The following CUX1 variants were observed in gnomAD, a reference collection of about 807,000 sequenced individuals.
CUX1 encodes protein CASP.
CUX1 carries 31 observed loss-of-function variants against 158.8 expected under a neutral mutation model. That is an observed-to-expected ratio of 0.20 (90% CI 0.15 to 0.26). The LOEUF is 0.26. CUX1 is among the 10% of genes least tolerant of loss of function. The pLI is 1.00. For missense variants in CUX1, 1,589 were observed against 2,014.6 expected (o/e 0.79, Z 4.04); for synonymous variants, 879 against 862.1 (o/e 1.02, Z -0.34).
At chr7:101,943,897 C>T (rs1352940361) in intron 2 of CUX1, among the ~76,000 whole-genome samples, 6 of 149,904 alleles carry the variant, frequency 4.0e-5, no homozygotes, top group African/African-American at 1.5e-4. Flanking sequence ...GTGGGAGGAT[C>T]GCCTTGAGCC....
At chr7:102,228,396 C>G (rs1455102651) in intron 21 of CUX1, among the ~76,000 whole-genome samples, 3 of 152,054 alleles carry the variant, frequency 2.0e-5, no homozygotes, top group African/African-American at 7.2e-5. Flanking sequence ...TGTTGATGTG[C>G]ACCTGTAGTC....
At chr7:102,280,818 G>A (rs1554549052) in exon 20 of CUX1, 2 of 1,613,150 alleles carry the variant, frequency 1.2e-6, no homozygotes, top group Non-Finnish European at 1.7e-6. Context: ...GGCAGAGGAA[G>A]TACCTGAGCT....
At chr7:102,111,849 C>CAA in intron 7 of CUX1, 75 bp downstream of exon 7, 3 of 1,339,668 alleles carry the variant, frequency 2.2e-6, no homozygotes, top group Non-Finnish European at 3.2e-6. Context: ...CCCTGACCGC[C>CAA]CCGGTCCCCG....
At chr7:102,234,272 C>T (rs537027325) in intron 22 of CUX1, 32 bp downstream of exon 22, 35 of 1,472,396 alleles carry the variant, frequency 2.4e-5, no homozygotes, top group Non-Finnish European at 3.0e-5. Context: ...GGGCCGGCTG[C>T]GTCCGCATTC....
intron 14 of CUX1, chr7:102,273,216 G>T: frequency 9.2e-7 from 1 of 1,081,894 alleles, no homozygotes; most frequent in Non-Finnish European, 1.3e-6. Flanking sequence ...GGTCTTCTAG[G>T]CAGTGGTGAG....
chr7:101,911,823 C>A (rs1402651069), intron 1 of CUX1, among the ~76,000 whole-genome samples: 1 of 152,228 alleles, frequency 6.6e-6, no homozygotes, highest in Non-Finnish European at 1.5e-5. Context: ...CCGGGCCACA[C>A]GGCTGCCAAG....
chr7:101,832,257 C>G (rs1011247921), intron 1 of CUX1, among the ~76,000 whole-genome samples: 6 of 152,146 alleles, frequency 3.9e-5, no homozygotes, highest in African/African-American at 1.4e-4. Context: ...AGGCAGGGAC[C>G]ACTGAGGGGT....
intron 2 of CUX1, among the ~76,000 whole-genome samples, chr7:101,969,359 C>CAAAAAAAAAAAAAAAAAAAAAAAACAAA (rs10711703): frequency 1.8e-5 from 1 of 56,112 alleles, no homozygotes; most frequent in Non-Finnish European, 3.2e-5. Context: ...CAAAAAACAG[C>CAAAAAAAAAAAAAAAAAAAAAAAACAAA]AAAAAAAAAA....
intron 2 of CUX1, among the ~76,000 whole-genome samples, chr7:102,013,814 T>C (rs978764713): frequency 6.6e-6 from 1 of 151,982 alleles, no homozygotes; most frequent in African/African-American, 2.4e-5. Context: ...AAGCCATCCT[T>C]CCACCTCAGC....
At chr7:102,048,530 A>C (rs988461777) in intron 3 of CUX1, among the ~76,000 whole-genome samples, 19 of 151,986 alleles carry the variant, frequency 1.3e-4, no homozygotes, top group African/African-American at 4.4e-4. Context: ...TATTAATCAA[A>C]TTTTCAAAAA....
intron 4 of CUX1, 29 bp downstream of exon 4, chr7:102,070,446 T>A: frequency 6.4e-7 from 1 of 1,562,128 alleles, no homozygotes; most frequent in Non-Finnish European, 8.7e-7. Flanking sequence ...GGCCCACCAG[T>A]GGGGGGCGTT....
intron 4 of CUX1, 139 bp from the exon 5 acceptor site, chr7:102,097,225 G>A (rs1209856016): frequency 1.0e-5 from 10 of 996,156 alleles, no homozygotes; most frequent in Admixed American, 3.0e-5. Context: ...CAAGGGGGCT[G>A]GCTGCAGGGG....
chr7:102,177,211 C>T (rs903122007), intron 10 of CUX1, among the ~76,000 whole-genome samples: 10 of 151,538 alleles, frequency 6.6e-5, no homozygotes, highest in South Asian at 2.1e-4. Flanking sequence ...GTCAGGAGTT[C>T]GAGACCAGCC....
chr7:102,125,430 C>G (rs1229065610), intron 8 of CUX1: 1 of 152,294 alleles, frequency 6.6e-6, no homozygotes, highest in Non-Finnish European at 1.5e-5. Context: ...TTCCTTAAAG[C>G]TATGAGGTTC....
At chr7:102,127,731 C>G (rs1383523317) in intron 8 of CUX1, among the ~76,000 whole-genome samples, 1 of 152,238 alleles carries the variant, frequency 6.6e-6, no homozygotes, top group Non-Finnish European at 1.5e-5. Flanking sequence ...TGATTTATTA[C>G]ACTGCTTTCA....
downstream of CUX1, among the ~76,000 whole-genome samples, chr7:102,258,848 G>C (rs563180011): frequency 5.9e-4 from 90 of 152,288 alleles, no homozygotes; most frequent in African/African-American, 2.2e-3. Context: ...AGTGGCTTGC[G>C]GGTCTCTGGA....
chr7:101,841,886 G>T (rs1795226417), intron 1 of CUX1, among the ~76,000 whole-genome samples: 1 of 152,094 alleles, frequency 6.6e-6, no homozygotes, highest in Non-Finnish European at 1.5e-5. Context: ...TTAAATTGGG[G>T]TTCTTTCTTG....
Position 102,254,223 on chromosome 7 carries a change from C to T in CUX1, c.*5181C>T. ...GGGCTCCGAGGGTCTTGTCTTTGGTCCGCCTTCCTTTCTGTCCAGTCCTGC... is the reference window on the plus strand; with the variant it reads ...GGGCTCCGAGGGTCTTGTCTTTGGTTCGCCTTCCTTTCTGTCCAGTCCTGC... On this transcript the variant is annotated 3_prime_UTR_variant, in exon 24 of 24. Transcript: ENST00000292535. 1 of 985,502 alleles carries T rather than the reference C, an allele frequency of 1.0e-6. No individual in the cohort carries two copies. The highest frequency in any genetic ancestry group is 1.2e-6 in the Non-Finnish European group (1 of 830,012). 61.0% of individuals were successfully genotyped at this position (985,502 alleles called of 1,614,324 possible).
intron 2 of CUX1, among the ~76,000 whole-genome samples, chr7:102,017,983 G>A (rs1395532517): frequency 2.0e-5 from 3 of 152,126 alleles, no homozygotes; most frequent in Non-Finnish European, 2.9e-5. Context: ...TTGAGATGAA[G>A]TCTTGCTCTG....
Sources: allele counts gnomAD v4.1 joint callset (sites outside exome capture counted in the v4.1 genomes callset), GRCh38; gene constraint gnomAD v4.1.1; transcripts MANE v1.5; gene names NCBI Gene and HGNC (gene_info 2026-07-23, HGNC 2026-07-21).